Variants in ROBO2 observed in about 807,000 individuals in gnomAD.
The protein encoded by ROBO2 is roundabout homolog 2.
ROBO2 carries 53 observed loss-of-function variants against 160.8 expected under a neutral mutation model. The ratio of observed to expected loss-of-function variants is 0.33; its 90% CI spans 0.26 to 0.41. The LOEUF (loss-of-function observed/expected upper bound fraction) is 0.41, where lower values mean the gene tolerates loss of function less well. Ranked by LOEUF, ROBO2 falls within the 10% of genes least tolerant of loss-of-function variation. ROBO2 has a pLI of 1.00. For missense variants in ROBO2, 1,577 were observed against 1,722.4 expected, an observed-to-expected ratio of 0.92 and a Z score of 1.49; for synonymous variants, 664 against 611.7, an observed-to-expected ratio of 1.09 and a Z score of -1.26.
intron 2 of ROBO2, among the ~76,000 whole-genome samples, chr3:77,432,267 G>T (rs1023962062): frequency 2.6e-5 from 4 of 152,064 alleles, no homozygotes; most frequent in Admixed American, 2.0e-4. Context: ...TTATATACGG[G>T]CTTATTTTTC....
intron 2 of ROBO2, among the ~76,000 whole-genome samples, chr3:76,777,754 T>C (rs143168428): frequency 2.1e-4 from 32 of 151,158 alleles, no homozygotes; most frequent in African/African-American, 7.2e-4. Flanking sequence ...ATGGAACATA[T>C]TTATTGAGAG....
At chr3:77,564,669 A>G (rs1476242195) in intron 11 of ROBO2, 3 of 510,186 alleles carry the variant, frequency 5.9e-6, no homozygotes, top group South Asian at 4.0e-5. Flanking sequence ...TTCCTTTTAC[A>G]GGTATTCATT....
chr3:76,728,254 G>C (rs1211670853), intron 2 of ROBO2, among the ~76,000 whole-genome samples: 1 of 152,050 alleles, frequency 6.6e-6, no homozygotes, highest in African/African-American at 2.4e-5. Context: ...TCCCCTACTA[G>C]TGTAATTATT....
chr3:76,227,262 G>A (rs1403223852), intron 2 of ROBO2, among the ~76,000 whole-genome samples: 1 of 152,160 alleles, frequency 6.6e-6, no homozygotes, highest in Non-Finnish European at 1.5e-5. Flanking sequence ...TGTTCTTAAT[G>A]TTCTGCCATT....
At chr3:77,599,036 T>C (rs2094374335) in intron 19 of ROBO2, among the ~76,000 whole-genome samples, 1 of 152,118 alleles carries the variant, frequency 6.6e-6, no homozygotes, top group African/African-American at 2.4e-5. Context: ...ACCTGGAGAT[T>C]TGCAAGGTTT....
intron 2 of ROBO2, among the ~76,000 whole-genome samples, chr3:76,406,765 A>G (rs1291643245): frequency 6.6e-6 from 1 of 151,964 alleles, no homozygotes; most frequent in East Asian, 1.9e-4. Flanking sequence ...GAAAATAGAA[A>G]GCTGAATCAT....
chr3:76,064,874 A>T (rs1038127943), intron 2 of ROBO2, among the ~76,000 whole-genome samples: 3 of 152,126 alleles, frequency 2.0e-5, no homozygotes, highest in Non-Finnish European at 4.4e-5. Flanking sequence ...TTCAAATTTT[A>T]TTTCAAATGT....
chr3:76,584,967 C>T (rs186828444), intron 2 of ROBO2, among the ~76,000 whole-genome samples: 17 of 152,266 alleles, frequency 1.1e-4, no homozygotes, highest in African/African-American at 3.6e-4. Context: ...ATCATAAGGC[C>T]GTTTTCTCAT....
intron 1 of ROBO2, among the ~76,000 whole-genome samples, chr3:77,080,010 G>A (rs910674085): frequency 5.9e-5 from 9 of 152,170 alleles, no homozygotes; most frequent in African/African-American, 1.4e-4. Flanking sequence ...TTCTCGCTCC[G>A]TGTTTGTGAA....
chr3:76,063,343 CTT>C (rs35062174), intron 2 of ROBO2, among the ~76,000 whole-genome samples: 31 of 134,674 alleles, frequency 2.3e-4, no homozygotes, highest in Non-Finnish European at 3.3e-4. Flanking sequence ...GCCCTCCTCC[CTT>C]TTTTTTTTTT....
At chr3:76,541,446 T>A (rs572853022) in intron 2 of ROBO2, among the ~76,000 whole-genome samples, 1 of 152,330 alleles carries the variant, frequency 6.6e-6, no homozygotes, top group Non-Finnish European at 1.5e-5. Context: ...AAGATGTATT[T>A]TTTTTAATTG....
intron 2 of ROBO2, among the ~76,000 whole-genome samples, chr3:76,237,496 T>C (rs539168117): frequency 6.6e-6 from 1 of 152,276 alleles, no homozygotes; most frequent in South Asian, 2.1e-4. Context: ...ATGTTTGCCA[T>C]GTCAAATAGA....
At chr3:76,176,021 G>A (rs1275103279) in intron 2 of ROBO2, among the ~76,000 whole-genome samples, 1 of 151,722 alleles carries the variant, frequency 6.6e-6, no homozygotes, top group Non-Finnish European at 1.5e-5. Context: ...CCTCTGAATT[G>A]TATTGATATC....
chr3:75,952,349 A>G (rs1330476020), intron 2 of ROBO2, among the ~76,000 whole-genome samples: 1 of 151,994 alleles, frequency 6.6e-6, no homozygotes, highest in Non-Finnish European at 1.5e-5. Flanking sequence ...CTGCTTTATA[A>G]CATAAAGAAT....
chr3:76,576,796 A>T (rs1055944852), intron 2 of ROBO2, among the ~76,000 whole-genome samples: 6 of 145,980 alleles, frequency 4.1e-5, no homozygotes, highest in Admixed American at 2.8e-4. Context: ...AAAAAAAAAG[A>T]AAAGTAAAAA....
At chr3:76,917,235 C>CTGT (rs1409146558) in intron 2 of ROBO2, among the ~76,000 whole-genome samples, 1 of 152,146 alleles carries the variant, frequency 6.6e-6, no homozygotes, top group Non-Finnish European at 1.5e-5. Flanking sequence ...GTCTGGTAGT[C>CTGT]TGTTGCTTAT....
intron 2 of ROBO2, among the ~76,000 whole-genome samples, chr3:76,947,643 T>G (rs1397059876): frequency 6.6e-6 from 1 of 151,640 alleles, no homozygotes; most frequent in Non-Finnish European, 1.5e-5. Context: ...ATTCTTGCAA[T>G]CGATGACATG....
At chr3:77,332,135 AG>A (rs1465576798) in intron 2 of ROBO2, among the ~76,000 whole-genome samples, 8 of 152,258 alleles carry the variant, frequency 5.3e-5, no homozygotes, top group African/African-American at 1.9e-4. Context: ...ATGTCTATTC[AG>A]ATAACGATTC....
chr3:77,194,269 G>A (rs150948430), intron 2 of ROBO2, among the ~76,000 whole-genome samples: 5 of 152,082 alleles, frequency 3.3e-5, no homozygotes, highest in African/African-American at 1.2e-4. Context: ...ATCTCTTCTT[G>A]TCATTGGCCC....
Sources: gnomAD v4.1 joint callset for allele counts (sites outside exome capture counted in the v4.1 genomes callset) on GRCh38, gnomAD v4.1.1 for gene constraint, MANE v1.5 for transcripts, NCBI Gene and HGNC (gene_info 2026-07-23, HGNC 2026-07-21) for gene names.